The following NOL4 variants were observed in gnomAD, a reference collection of about 807,000 sequenced individuals.
NOL4 encodes cancer/testis antigen 125.
A neutral mutation model predicts 75.9 loss-of-function variants in NOL4; 17 were observed. The observed-to-expected ratio is 0.22, with a 90% CI of 0.15 to 0.34. The LOEUF (loss-of-function observed/expected upper bound fraction) is 0.34. Ranked by LOEUF, NOL4 falls within the 10% of genes least tolerant of loss-of-function variation. The pLI, the probability that NOL4 is intolerant of heterozygous loss-of-function variation, is 1.00. For synonymous variants in NOL4, 292 were observed against 289.9 expected, an observed-to-expected ratio of 1.01 and a Z score of -0.07; for missense variants, 614 against 793.5, an observed-to-expected ratio of 0.77 and a Z score of 2.72.
intron 8 of NOL4, among the ~76,000 whole-genome samples, chr18:33,947,067 A>G (rs1315796027): frequency 6.6e-6 from 1 of 151,794 alleles, no homozygotes; most frequent in Admixed American, 6.6e-5. Context: ...GCATTTGGTT[A>G]TAAGATAGCA....
chr18:33,857,330 T>C (rs1175027183), intron 10 of NOL4, among the ~76,000 whole-genome samples: 2 of 152,058 alleles, frequency 1.3e-5, no homozygotes, highest in African/African-American at 2.4e-5. Flanking sequence ...TTACTTCTTC[T>C]TTTAACTTCT....
At chr18:34,080,690 C>A (rs1302388648) in intron 5 of NOL4, among the ~76,000 whole-genome samples, 1 of 152,120 alleles carries the variant, frequency 6.6e-6, no homozygotes, top group Non-Finnish European at 1.5e-5. Context: ...AGGCTGGCCA[C>A]AAACATCATC....
In NOL4 at chr18:34,172,628, T is replaced by C. The variant is rs530636902; in HGVS notation, c.265-42608A>G. Among the ~76,000 whole-genome samples the C allele has an allele frequency of 6.8e-4, 104 of 152,236 alleles. 5 individuals carry two copies. In the South Asian group the frequency reaches 0.021, roughly 30 times the overall value. On this transcript the variant is annotated intron_variant, in intron 1 of 10. Coordinates refer to ENST00000261592, the MANE Select transcript of NOL4 (RefSeq NM_003787.5). The stretch of plus-strand genomic sequence containing the variant: ...TGTTTTCCATAATGACTATACAAAT[T>C]CACTTTCTCACCAACAGTACACCAA...
At chr18:34,024,271 T>C (rs142672704) in intron 5 of NOL4, among the ~76,000 whole-genome samples, 224 of 146,016 alleles carry the variant, frequency 1.5e-3, no homozygotes, top group African/African-American at 5.3e-3. Flanking sequence ...TCAGGTCAGA[T>C]GCTCACAGGG....
At chr18:33,886,711 G>T (rs1388646152) in intron 9 of NOL4, among the ~76,000 whole-genome samples, 1 of 145,734 alleles carries the variant, frequency 6.9e-6, no homozygotes, top group African/African-American at 2.6e-5. Context: ...TCCATGATAT[G>T]CTCATTGCAC....
chr18:34,047,587 G>C (rs1189349148), intron 5 of NOL4, among the ~76,000 whole-genome samples: 2 of 151,958 alleles, frequency 1.3e-5, no homozygotes, highest in African/African-American at 4.8e-5. Flanking sequence ...TTTCAATTTT[G>C]TATGTGGATT....
At chr18:34,200,033 G>T (rs1040947912) in intron 1 of NOL4, among the ~76,000 whole-genome samples, 1 of 151,774 alleles carries the variant, frequency 6.6e-6, no homozygotes, top group Admixed American at 6.6e-5. Context: ...TTTCATTTTA[G>T]TAATTGTTGT....
intron 5 of NOL4, among the ~76,000 whole-genome samples, chr18:34,072,752 C>G (rs1251689433): frequency 6.6e-6 from 1 of 152,036 alleles, no homozygotes; most frequent in Non-Finnish European, 1.5e-5. Context: ...TCCGTCATTT[C>G]ATTTTTAAGC....
chr18:34,208,445 T>TAA (rs755517190), intron 1 of NOL4, among the ~76,000 whole-genome samples: 3 of 141,146 alleles, frequency 2.1e-5, no homozygotes, highest in Admixed American at 7.0e-5. Flanking sequence ...AGAAAAAGAT[T>TAA]AAAAAAAAAA....
chr18:34,142,003 A>G (rs2081189566), intron 1 of NOL4, among the ~76,000 whole-genome samples: 1 of 152,192 alleles, frequency 6.6e-6, no homozygotes, highest in African/African-American at 2.4e-5. Context: ...AAACAACCCC[A>G]ACAAAAAGTG....
chr18:34,008,687 A>G (rs558657770), intron 6 of NOL4, among the ~76,000 whole-genome samples: 24 of 152,056 alleles, frequency 1.6e-4, no homozygotes, highest in African/African-American at 5.5e-4. Context: ...CTTAATCACC[A>G]TAATGGAAAT....
intron 2 of NOL4, among the ~76,000 whole-genome samples, chr18:34,112,363 T>TCC (rs142639290): frequency 7.0e-6 from 1 of 143,528 alleles, no homozygotes; most frequent in African/African-American, 2.6e-5. Flanking sequence ...AGTGAGACTG[T>TCC]CCCCCCCCAA....
chr18:34,117,646 G>A (rs145869030), intron 2 of NOL4, among the ~76,000 whole-genome samples: 2,223 of 152,190 alleles, frequency 0.015, 17 homozygotes, highest in Middle Eastern at 0.034. Context: ...TTCCATTCCA[G>A]CAAAACTGAG....
chr18:33,964,125 T>TA (rs2070379320), intron 6 of NOL4, among the ~76,000 whole-genome samples: 1 of 152,154 alleles, frequency 6.6e-6, no homozygotes, highest in African/African-American at 2.4e-5. Context: ...GTCTGAGAGT[T>TA]ACTTGAGGGG....
rs1600388318 is a variant in NOL4, at chr18:34,047,394, A to G, written c.773-27793T>C. ...CAGTTTCTAAATATATGTTATAAAT[A>G]TATAAACATGATGGAAACAATTAAA... On this transcript the variant is annotated intron_variant, in intron 5 of 10. Coordinates refer to ENST00000261592, the MANE Select transcript of NOL4 (RefSeq NM_003787.5). Among the ~76,000 whole-genome samples the G allele has an allele frequency of 3.3e-5, 5 of 152,230 alleles. No individual in the cohort carries two copies. The South Asian group carries it at 1.0e-3, about 32-fold the overall frequency.
At chr18:33,889,817 G>C (rs1256048386) in intron 9 of NOL4, among the ~76,000 whole-genome samples, 6 of 152,134 alleles carry the variant, frequency 3.9e-5, no homozygotes, top group Admixed American at 1.3e-4. Flanking sequence ...TGCAGAAAAG[G>C]CCTTTGACAA....
At chr18:33,862,645 A>C (rs1479793571) in intron 10 of NOL4, among the ~76,000 whole-genome samples, 1 of 152,258 alleles carries the variant, frequency 6.6e-6, no homozygotes, top group Non-Finnish European at 1.5e-5. Flanking sequence ...GAAGACATTT[A>C]TGCAGCCAAA....
At chr18:33,947,452 T>C (rs1266606423) in intron 8 of NOL4, among the ~76,000 whole-genome samples, 1 of 151,758 alleles carries the variant, frequency 6.6e-6, no homozygotes. Flanking sequence ...TAATTGGAGA[T>C]AGGAATATTT....
chr18:34,052,372 T>C (rs2076660235), intron 5 of NOL4, among the ~76,000 whole-genome samples: 1 of 152,046 alleles, frequency 6.6e-6, no homozygotes, highest in Non-Finnish European at 1.5e-5. Context: ...AGAAGGATAA[T>C]TATAACTCAC....
Sources: gnomAD v4.1 joint callset for allele counts (sites outside exome capture counted in the v4.1 genomes callset) on GRCh38, gnomAD v4.1.1 for gene constraint, MANE v1.5 for transcripts, NCBI Gene and HGNC (gene_info 2026-07-23, HGNC 2026-07-21) for gene names.